C12orf42: variants seen among roughly 807,000 people sequenced by gnomAD.
The protein encoded by C12orf42 is uncharacterized protein C12orf42.
Under a neutral mutation model 21.6 loss-of-function variants are expected in C12orf42, and 25 were observed. That is an observed-to-expected ratio of 1.16 (90% CI 0.84 to 1.62). The LOEUF is 1.62. Ranked by LOEUF, C12orf42 falls within the 40% of genes most tolerant of loss-of-function variation. C12orf42 has a pLI of 0.00. For missense variants in C12orf42, 483 were observed against 459.3 expected (o/e 1.05, Z -0.47); for synonymous variants, 174 against 175.0 (o/e 0.99, Z 0.05).
the C12orf42 span, among the ~76,000 whole-genome samples, chr12:103,140,854 A>G: frequency 6.6e-6 from 1 of 152,186 alleles, no homozygotes; most frequent in Non-Finnish European, 1.5e-5. Flanking sequence ...ACACACACAC[A>G]CACACCATAC....
chr12:103,356,272 G>T lies in C12orf42; in HGVS notation c.259+12615C>A, dbSNP rs190668819. On this transcript the variant is annotated intron_variant, in intron 4 of 5. Coordinates refer to ENST00000548883, the MANE Select transcript of C12orf42 (RefSeq NM_198521.5). ...CTCCATAACTTTTTACTCTAGCTCA[G>T]ATCTTAATTCTAAGTCACAAACAAA... is the stretch of plus-strand genomic sequence containing the variant. Among the ~76,000 whole-genome samples, 503 of 151,956 alleles carry T rather than the reference G, an allele frequency of 3.3e-3. 3 individuals carry two copies. The highest frequency in any genetic ancestry group is 0.011 in the African/African-American group (477 of 41,488).
At chr12:103,298,355 A>G (rs28571748), downstream of C12orf42, among the ~76,000 whole-genome samples, 1 of 152,232 alleles carries the variant, frequency 6.6e-6, no homozygotes, top group African/African-American at 2.4e-5. Context: ...CCCATTCGCA[A>G]TTGCTTCAAA....
chr12:103,436,231 T>A (rs1442025884), intron 2 of C12orf42, among the ~76,000 whole-genome samples: 1 of 149,680 alleles, frequency 6.7e-6, no homozygotes, highest in Non-Finnish European at 1.5e-5. Context: ...AGGCCTGCCC[T>A]AAAAGAGCTC....
chr12:103,475,324 C>G (rs1436840705), intron 2 of C12orf42, among the ~76,000 whole-genome samples: 1 of 152,182 alleles, frequency 6.6e-6, no homozygotes, highest in Non-Finnish European at 1.5e-5. Flanking sequence ...ATGTTCTAGT[C>G]AAACATGCAA....
chr12:103,402,634 A>G (rs1304549951), intron 2 of C12orf42, among the ~76,000 whole-genome samples: 1 of 152,242 alleles, frequency 6.6e-6, no homozygotes, highest in Non-Finnish European at 1.5e-5. Flanking sequence ...CCAAAGAATC[A>G]CACAAATAAA....
At chr12:103,179,723 T>G in the C12orf42 span, among the ~76,000 whole-genome samples, 1 of 152,312 alleles carries the variant, frequency 6.6e-6, no homozygotes, top group South Asian at 2.1e-4. Context: ...GTAAATGGAT[T>G]TGAAAACAGG....
At chr12:103,310,202 T>A (rs1465477277) in intron 4 of C12orf42, among the ~76,000 whole-genome samples, 1 of 152,166 alleles carries the variant, frequency 6.6e-6, no homozygotes, top group Non-Finnish European at 1.5e-5. Flanking sequence ...GAGTGAGTTA[T>A]CCTGAGATTT....
the C12orf42 span, among the ~76,000 whole-genome samples, chr12:103,519,022 T>C: frequency 1.3e-5 from 2 of 152,136 alleles, no homozygotes; most frequent in African/African-American, 2.4e-5. Flanking sequence ...GTGGAGGTGA[T>C]TGAATCATGG....
At chr12:103,485,277 G>T (rs962718760) in intron 1 of C12orf42, among the ~76,000 whole-genome samples, 3 of 152,144 alleles carry the variant, frequency 2.0e-5, no homozygotes, top group African/African-American at 7.2e-5. Flanking sequence ...AGATCAGATG[G>T]TTGTAGATGT....
At chr12:103,334,616 G>C (rs1352818744) in intron 4 of C12orf42, among the ~76,000 whole-genome samples, 1 of 151,966 alleles carries the variant, frequency 6.6e-6, no homozygotes. Context: ...AAAGAGACAG[G>C]GCTGCCACTA....
chr12:103,329,219 G>T (rs2040992638), intron 4 of C12orf42, among the ~76,000 whole-genome samples: 1 of 152,126 alleles, frequency 6.6e-6, no homozygotes, highest in Non-Finnish European at 1.5e-5. Flanking sequence ...CACAGAGAAG[G>T]CTCTCATTTT....
the C12orf42 span, among the ~76,000 whole-genome samples, chr12:103,067,143 A>G: frequency 1.3e-5 from 2 of 152,032 alleles, no homozygotes; most frequent in South Asian, 2.1e-4. Flanking sequence ...ATTATATTGG[A>G]CCTCTTCCAT....
chr12:103,505,652 C>T, the C12orf42 span: 2 of 239,432 alleles, frequency 8.4e-6, no homozygotes, highest in South Asian at 9.0e-5. Context: ...TGCCCAGGCC[C>T]CTGGGGGGCA....
chr12:103,489,825 G>A (rs1955076409), intron 1 of C12orf42, among the ~76,000 whole-genome samples: 1 of 152,198 alleles, frequency 6.6e-6, no homozygotes, highest in South Asian at 2.1e-4. Flanking sequence ...ATTTGGGCAG[G>A]AGTGTCCTGT....
intron 4 of C12orf42, among the ~76,000 whole-genome samples, chr12:103,277,782 G>C (rs1276523132): frequency 6.6e-6 from 1 of 151,932 alleles, no homozygotes; most frequent in Admixed American, 6.6e-5. Context: ...AAAACGCCCG[G>C]CTAATTTTTT....
intron 2 of C12orf42, among the ~76,000 whole-genome samples, chr12:103,443,957 T>C (rs1951422109): frequency 6.6e-6 from 1 of 152,138 alleles, no homozygotes; most frequent in Admixed American, 6.6e-5. Flanking sequence ...TTTAACATTT[T>C]AATGTTTCTA....
the C12orf42 span, among the ~76,000 whole-genome samples, chr12:103,521,315 C>G: frequency 6.6e-6 from 1 of 152,128 alleles, no homozygotes; most frequent in African/African-American, 2.4e-5. Flanking sequence ...GAATGATAGA[C>G]TGGATTAAGA....
intron 10 of C12orf42, among the ~76,000 whole-genome samples, chr12:103,239,386 G>T (rs1342256247): frequency 2.0e-5 from 3 of 152,088 alleles, no homozygotes. Flanking sequence ...TGTCTCACCT[G>T]TCTTCTCTCT....
intron 2 of C12orf42, among the ~76,000 whole-genome samples, chr12:103,474,456 G>GTATGTATA (rs370220232): frequency 6.9e-6 from 1 of 144,336 alleles, no homozygotes; most frequent in Non-Finnish European, 1.5e-5. Context: ...ATGTATGTAT[G>GTATGTATA]TGTGTGTGTG....
Sources: allele counts gnomAD v4.1 joint callset (sites outside exome capture counted in the v4.1 genomes callset), GRCh38; gene constraint gnomAD v4.1.1; transcripts MANE v1.5; gene names NCBI Gene and HGNC (gene_info 2026-07-23, HGNC 2026-07-21).